The following ACSM3 variants were observed in gnomAD, a reference collection of about 807,000 sequenced individuals.
ACSM3 encodes acyl-coenzyme A synthetase ACSM3, mitochondrial.
ACSM3 carries 61 observed loss-of-function variants against 74.1 expected under a neutral mutation model. The observed-to-expected ratio is 0.82, with a 90% CI of 0.67 to 1.02. The LOEUF (loss-of-function observed/expected upper bound fraction) is 1.02. Ranked by LOEUF, ACSM3 falls within the 50% of genes least tolerant of loss-of-function variation. The pLI is 0.00. For missense variants in ACSM3, 660 were observed against 697.0 expected, an observed-to-expected ratio of 0.95 and a Z score of 0.60; for synonymous variants, 213 against 241.5, an observed-to-expected ratio of 0.88 and a Z score of 1.09.
chr16:20,734,381 T>G (rs1378206825), intron 1 of ACSM3: 1 of 152,590 alleles, frequency 6.6e-6, no homozygotes, highest in Admixed American at 6.5e-5. Flanking sequence ...CAAGGTAACT[T>G]CAATGTCATT....
chr16:20,761,280 A>C (rs2080074694), upstream of ACSM3, among the ~76,000 whole-genome samples: 1 of 152,124 alleles, frequency 6.6e-6, no homozygotes, highest in Non-Finnish European at 1.5e-5. Context: ...TTTGTCCCTA[A>C]AATGTATCAA....
chr16:20,732,443 T>C (rs562549536), intron 1 of ACSM3, among the ~76,000 whole-genome samples: 22 of 152,308 alleles, frequency 1.4e-4, no homozygotes, highest in Non-Finnish European at 2.8e-4. Context: ...CGTCTTATTT[T>C]GACAGAAGAG....
intron 1 of ACSM3, among the ~76,000 whole-genome samples, chr16:20,698,062 TG>T (rs2079699607): frequency 6.6e-6 from 1 of 150,404 alleles, no homozygotes; most frequent in South Asian, 2.1e-4. Flanking sequence ...GGTGTGGTGG[TG>T]GGCGCCTGTA....
At chr16:20,796,638 T>C (rs754693129) in intron 13 of ACSM3, 149 bp downstream of exon 13, 23 of 1,495,698 alleles carry the variant, frequency 1.5e-5, no homozygotes, top group Non-Finnish European at 1.6e-5. Context: ...ATCAGAATCT[T>C]TGAGATTAAA....
intron 1 of ACSM3, among the ~76,000 whole-genome samples, chr16:20,695,210 C>T (rs892494147): frequency 2.6e-5 from 4 of 152,150 alleles, no homozygotes; most frequent in Admixed American, 6.5e-5. Context: ...TCAAACAACA[C>T]GGGCTCAAAT....
intron 1 of ACSM3, among the ~76,000 whole-genome samples, chr16:20,691,751 ATG>A (rs59929923): frequency 0.052 from 6,966 of 133,520 alleles, 186 homozygotes; most frequent in African/African-American, 0.08. Flanking sequence ...TACCTCTCCA[ATG>A]TGTGTGTGTG....
chr16:20,775,372 G>A (rs2080243185), intron 2 of ACSM3, among the ~76,000 whole-genome samples: 1 of 152,156 alleles, frequency 6.6e-6, no homozygotes, highest in Non-Finnish European at 1.5e-5. Flanking sequence ...CTCAGGGCAT[G>A]TGAGGGCTGA....
intron 1 of ACSM3, among the ~76,000 whole-genome samples, chr16:20,690,668 C>A (rs1197845677): frequency 6.6e-6 from 1 of 152,204 alleles, no homozygotes; most frequent in African/African-American, 2.4e-5. Flanking sequence ...AAGATGAGAA[C>A]TCAGACTAAT....
At chr16:20,754,014 A>G (rs966853177) in intron 2 of ACSM3, among the ~76,000 whole-genome samples, 4 of 152,230 alleles carry the variant, frequency 2.6e-5, no homozygotes, top group African/African-American at 9.6e-5. Flanking sequence ...AATGGTGTCA[A>G]GTCCACAGTG....
chr16:20,696,740 T>G (rs1853690200), intron 1 of ACSM3, among the ~76,000 whole-genome samples: 1 of 152,228 alleles, frequency 6.6e-6, no homozygotes, highest in African/African-American at 2.4e-5. Flanking sequence ...TATTCCCAGA[T>G]ACATAGTGCC....
At chr16:20,738,491 G>C (rs1486539891) in intron 1 of ACSM3, among the ~76,000 whole-genome samples, 1 of 152,110 alleles carries the variant, frequency 6.6e-6, no homozygotes, top group East Asian at 1.9e-4. Flanking sequence ...ATTTGGGGCT[G>C]CTCCGAAAAT....
intron 2 of ACSM3, among the ~76,000 whole-genome samples, chr16:20,752,139 G>A (rs536266707): frequency 1.1e-3 from 161 of 152,180 alleles, no homozygotes; most frequent in African/African-American, 3.6e-3. Flanking sequence ...GCAGTTAGCC[G>A]AGACTGCACC....
chr16:20,794,103 T>C (rs1248784653), intron 12 of ACSM3, among the ~76,000 whole-genome samples: 3 of 152,144 alleles, frequency 2.0e-5, no homozygotes, highest in African/African-American at 7.2e-5. Context: ...GAGGTATCCA[T>C]GAACAAAACG....
chr16:20,725,058 G>A (rs2079799860), intron 1 of ACSM3, among the ~76,000 whole-genome samples: 1 of 152,110 alleles, frequency 6.6e-6, no homozygotes, highest in Non-Finnish European at 1.5e-5. Context: ...AACCAAAAAA[G>A]AGCCCGCATT....
chr16:20,719,401 A>G lies in ACSM3; in HGVS notation c.-189-30509A>G, dbSNP rs751400885. ...TTCCTAGATGTAAGTCATGTCCTCC[A>G]GCTAGATAGATCTTTAGAGCTCTTC... On this transcript the variant is annotated intron_variant, in intron 1 of 3. Coordinates refer to the ACSM3 transcript ENST00000561584. The G allele has an allele frequency of 3.0e-4, 72 of 239,330 alleles. 1 individual carries two copies. Among genetic ancestry groups the G allele is most frequent in the Non-Finnish European group, 3.5e-4 (38 of 109,780 alleles). 14.8% of individuals were successfully genotyped at this position (239,330 alleles called of 1,614,324 possible). A position where few individuals can be genotyped will look rare whatever the true frequency, so the allele number is the denominator to read the frequency against.
intron 1 of ACSM3, among the ~76,000 whole-genome samples, chr16:20,704,940 T>C (rs572819671): frequency 2.7e-4 from 41 of 152,350 alleles, no homozygotes; most frequent in Non-Finnish European, 5.0e-4. Context: ...AAATAATTCA[T>C]AACTAGAATT....
At chr16:20,678,600 T>A (rs2079365006) in intron 1 of ACSM3, among the ~76,000 whole-genome samples, 2 of 152,154 alleles carry the variant, frequency 1.3e-5, no homozygotes, top group African/African-American at 4.8e-5. Flanking sequence ...GTGACCAAAG[T>A]GTTGTTAAAA....
intron 1 of ACSM3, chr16:20,743,661 T>C (rs1156503732): frequency 6.6e-6 from 1 of 152,234 alleles, no homozygotes; most frequent in Non-Finnish European, 1.5e-5. Flanking sequence ...TATCATCTTA[T>C]TGTTTGCTTT....
rs368694542 is a variant in ACSM3 at position 20,787,909 on chromosome 16, C to T, written c.1224+1751C>T. On this transcript the variant is annotated intron_variant, in intron 9 of 13. Coordinates refer to ENST00000289416, the MANE Select transcript of ACSM3 (RefSeq NM_005622.4). ...CAATACATCCTGAAGAACCACCCCC[C>T]GACAACCCCTCACCACTTCAGTCTC... Among the ~76,000 whole-genome samples the T allele has an allele frequency of 9.9e-5, 15 of 152,258 alleles. No individual in the cohort carries two copies. In the South Asian group the frequency reaches 2.9e-3, roughly 29 times the overall value.
Sources: allele counts gnomAD v4.1 joint callset (sites outside exome capture counted in the v4.1 genomes callset), GRCh38; gene constraint gnomAD v4.1.1; transcripts MANE v1.5; gene names NCBI Gene and HGNC (gene_info 2026-07-23, HGNC 2026-07-21).